HMCN1: variants seen among roughly 807,000 people sequenced by gnomAD.
HMCN1 encodes the protein hemicentin-1.
A neutral mutation model predicts 625.9 loss-of-function variants in HMCN1; 321 were observed. The observed-to-expected ratio is 0.51, with a 90% confidence interval of 0.47 to 0.56. The LOEUF (loss-of-function observed/expected upper bound fraction) is 0.56, where lower values mean the gene tolerates loss of function less well. Ranked by LOEUF, HMCN1 falls within the 20% of genes least tolerant of loss-of-function variation. The probability of loss-of-function intolerance (pLI) is 0.00; values close to 1 mark genes in which losing one functional copy is unlikely to be tolerated. For synonymous variants in HMCN1, 2,425 were observed against 2,417.6 expected (o/e 1.00, Z -0.09); for missense variants, 6,588 against 6,887.3 (o/e 0.96, Z 1.54).
At chr1:185,951,957 A>G (rs1209865570) in intron 11 of HMCN1, among the ~76,000 whole-genome samples, 2 of 151,762 alleles carry the variant, frequency 1.3e-5, no homozygotes, top group Non-Finnish European at 2.9e-5. Context: ...GCCGGAATTT[A>G]ATTTTTGGAG....
intron 29 of HMCN1, among the ~76,000 whole-genome samples, chr1:186,005,637 A>G (rs1416999150): frequency 1.3e-5 from 2 of 152,086 alleles, no homozygotes; most frequent in East Asian, 1.9e-4. Flanking sequence ...CATAAATGTA[A>G]AAAACATGGA....
intron 1 of HMCN1, among the ~76,000 whole-genome samples, chr1:185,784,040 G>A (rs1657367084): frequency 6.6e-6 from 1 of 152,184 alleles, no homozygotes; most frequent in Non-Finnish European, 1.5e-5. Flanking sequence ...ACCTATTCAA[G>A]CCTCAGCAAT....
In HMCN1 at chr1:186,114,021, T is replaced by C. The variant is rs763323616; in HGVS notation, c.11174T>C (p.Leu3725Pro). Residue 3725 changes from leucine (L) to proline (P), a missense_variant, in exon 73 of 107, where the codon CTT becomes CCT. Coordinates refer to ENST00000271588, the MANE Select transcript of HMCN1 (RefSeq NM_031935.3). The part of the protein sequence containing the change: ...IKGGPQSLVI[L>P]LNKSTVLECI... Reference sequence around the variant, plus strand: ...GGGGGCCCCCAGAGCCTTGTAATTCTTTTAAATAAGTCAACTGTATTGGAA... The same window carrying C: ...GGGGGCCCCCAGAGCCTTGTAATTCCTTTAAATAAGTCAACTGTATTGGAA... 1.2e-6 allele frequency: 2 copies of C among 1,614,202 alleles called. No homozygotes were observed. The highest frequency in any genetic ancestry group is 3.3e-5 in the Admixed American group (2 of 60,030).
chr1:186,077,203 G>T (rs1658875587), intron 54 of HMCN1, among the ~76,000 whole-genome samples: 2 of 151,966 alleles, frequency 1.3e-5, no homozygotes, highest in South Asian at 4.2e-4. Flanking sequence ...ATGTAAATTT[G>T]ACCCCAATTA....
intron 57 of HMCN1, among the ~76,000 whole-genome samples, chr1:186,083,305 A>G (rs1218806172): frequency 1.3e-5 from 2 of 152,092 alleles, no homozygotes; most frequent in Non-Finnish European, 2.9e-5. Context: ...TCCACTAGTC[A>G]TGATTGGAAT....
intron 94 of HMCN1, 89 bp downstream of exon 94, chr1:186,151,438 C>A: frequency 1.5e-6 from 2 of 1,351,958 alleles, no homozygotes; most frequent in Non-Finnish European, 2.1e-6. Context: ...AATGCTACTA[C>A]TAACTCATAA....
chr1:186,104,886 C>T lies in HMCN1; in HGVS notation c.10770+1218C>T, dbSNP rs146416510. On this transcript the variant is annotated intron_variant, in intron 69 of 106. Transcript: ENST00000271588. ...AAACTCTTGAATGATATAATTTCAA[C>T]AAACAAAAAGTAGGCAAAAGAATTT... 1.5e-3 allele frequency among the ~76,000 whole-genome samples: 225 copies of T among 152,028 alleles called. 2 individuals carry two copies. Among genetic ancestry groups the T allele is most frequent in the African/African-American group, 5.1e-3 (213 of 41,458 alleles).
chr1:186,028,074 A>G (rs986906897), intron 36 of HMCN1, among the ~76,000 whole-genome samples: 1 of 152,184 alleles, frequency 6.6e-6, no homozygotes, highest in African/African-American at 2.4e-5. Flanking sequence ...GATAGAGAAT[A>G]TTAACTCACA....
intron 37 of HMCN1, 120 bp from the exon 38 acceptor site, chr1:186,038,709 C>T (rs915620660): frequency 7.2e-6 from 5 of 689,794 alleles, no homozygotes; most frequent in Non-Finnish European, 1.3e-5. Flanking sequence ...ATTATGTAAA[C>T]AGATTAAATT....
chr1:186,107,761 T>TAC (rs143520569), intron 70 of HMCN1, among the ~76,000 whole-genome samples: 3,352 of 150,230 alleles, frequency 0.022, 56 homozygotes, highest in Non-Finnish European at 0.026. Context: ...CTTGCTTGGT[T>TAC]ACACACACAC....
In HMCN1 at chr1:185,991,296, TTTATATAA is replaced by T. The variant is rs1186373982; in HGVS notation, c.3377+856_3377+863del. 6.6e-5 allele frequency among the ~76,000 whole-genome samples: 10 copies of T among 152,312 alleles called. No homozygotes were observed. In the East Asian group the frequency reaches 1.9e-3, roughly 29 times the overall value. On this transcript the variant is annotated intron_variant, in intron 22 of 106. Coordinates refer to ENST00000271588, the MANE Select transcript of HMCN1 (RefSeq NM_031935.3). ...GTGAAGGAAAAAAATTAAGAAGGACTTTATATAATTTTACTATTTGTTTGAAAAAAATA... is the reference window on the plus strand; with the variant it reads ...GTGAAGGAAAAAAATTAAGAAGGACTTTTTACTATTTGTTTGAAAAAAATA...
In HMCN1 at chr1:186,151,706, A is replaced by G. The variant is rs752166899; in HGVS notation, c.14859A>G (p.Ala4953=). The G allele has an allele frequency of 1.5e-5, 24 of 1,613,600 alleles. No homozygotes were observed. In the South Asian group the frequency reaches 2.5e-4, roughly 17 times the overall value. ...EAVNGFTLTN[A]VFKRETQVEF... ...TCAATGGCTTTACCCTCACCAATGC[A>G]GTCTTCAAAAGAGAAACTCAAGTGG... is the stretch of plus-strand genomic sequence containing the variant. Residue 4953 remains alanine (A), a synonymous_variant, in exon 95 of 107, where the codon GCA becomes GCG. Coordinates refer to ENST00000271588, the MANE Select transcript of HMCN1 (RefSeq NM_031935.3).
At position 186,018,207 on chromosome 1, in the gene HMCN1, T is replaced by A. The variant is rs571034789; in HGVS notation, c.5325T>A (p.Ile1775=). Residue 1775 remains isoleucine, a synonymous_variant, in exon 34 of 107, where the codon ATT becomes ATA. Coordinates refer to ENST00000271588, the MANE Select transcript of HMCN1 (RefSeq NM_031935.3). Reference sequence around the variant, plus strand: ...GGTGGCTGAAGGATGGCCAGTTAATTGATGAAAGGGATGGATTCAAGATTT... The same window carrying A: ...GGTGGCTGAAGGATGGCCAGTTAATAGATGAAAGGGATGGATTCAAGATTT... ...TIMWLKDGQL[I]DERDGFKILL... 115 of 1,612,754 alleles carry A rather than the reference T, an allele frequency of 7.1e-5. No individual in the cohort carries two copies. In the Middle Eastern group the frequency reaches 2.6e-3, roughly 37 times the overall value.
chr1:186,074,633 C>A, intron 52 of HMCN1, 108 bp from the exon 53 acceptor site: 2 of 938,898 alleles, frequency 2.1e-6, no homozygotes, highest in South Asian at 1.5e-5. Context: ...GTTTTGCATA[C>A]AATTTTATTT....
chr1:186,182,320 A>T (rs765818206), intron 105 of HMCN1, 33 bp downstream of exon 105: 2 of 1,612,300 alleles, frequency 1.2e-6, no homozygotes, highest in East Asian at 2.2e-5. Context: ...ATTGTTGCAA[A>T]CTTGACTAAA....
At chr1:185,907,783 G>T (rs1666178902) in intron 4 of HMCN1, among the ~76,000 whole-genome samples, 1 of 151,970 alleles carries the variant, frequency 6.6e-6, no homozygotes, top group African/African-American at 2.4e-5. Flanking sequence ...TATGTGGACT[G>T]TGAAAATACT....
intron 80 of HMCN1, 39 bp downstream of exon 80, chr1:186,120,184 G>A (rs967883680): frequency 6.2e-6 from 10 of 1,602,028 alleles, no homozygotes; most frequent in Admixed American, 5.1e-5. Context: ...ATTCAAAGAT[G>A]TTTGTAACAA....
chr1:186,135,520 T>C (rs1649542715), intron 86 of HMCN1, among the ~76,000 whole-genome samples: 1 of 152,228 alleles, frequency 6.6e-6, no homozygotes, highest in Non-Finnish European at 1.5e-5. Context: ...ATCCCTGTCA[T>C]GTAGACATCG....
intron 1 of HMCN1, among the ~76,000 whole-genome samples, chr1:185,809,133 T>C (rs207460768): frequency 7.9e-5 from 12 of 152,124 alleles, no homozygotes; most frequent in African/African-American, 2.9e-4. Context: ...ATTCCTAACA[T>C]ATGTCTAAGA....
Sources: allele counts gnomAD v4.1 joint callset (sites outside exome capture counted in the v4.1 genomes callset), GRCh38; gene constraint gnomAD v4.1.1; transcripts MANE v1.5; gene names NCBI Gene and HGNC (gene_info 2026-07-23, HGNC 2026-07-21).